Variants in HSPA9 observed in about 807,000 individuals in gnomAD.
HSPA9 encodes the protein stress-70 protein, mitochondrial.
HSPA9 carries 28 observed loss-of-function variants against 81.5 expected under a neutral mutation model. That is an observed-to-expected ratio of 0.34 (90% CI 0.25 to 0.47). The LOEUF is 0.47. Ranked by LOEUF, HSPA9 falls within the 20% of genes least tolerant of loss-of-function variation. HSPA9 has a pLI of 1.00. For synonymous variants in HSPA9, 293 were observed against 290.4 expected, an observed-to-expected ratio of 1.01 and a Z score of -0.09; for missense variants, 678 against 838.0, an observed-to-expected ratio of 0.81 and a Z score of 2.36.
At chr5:138,560,945 A>C (rs1750645043) in intron 10 of HSPA9, 2 of 333,584 alleles carry the variant, frequency 6.0e-6, no homozygotes, top group Non-Finnish European at 6.0e-6. Flanking sequence ...AAGGCCATGT[A>C]TTTCAATGGA....
At chr5:138,565,139 T>C (rs1750736749) in intron 9 of HSPA9, among the ~76,000 whole-genome samples, 1 of 152,176 alleles carries the variant, frequency 6.6e-6, no homozygotes, top group Non-Finnish European at 1.5e-5. Context: ...AATCAAAATG[T>C]CTATCAATAG....
intron 3 of HSPA9, among the ~76,000 whole-genome samples, chr5:138,573,473 G>A (rs1750996093): frequency 6.6e-6 from 1 of 151,924 alleles, no homozygotes; most frequent in African/African-American, 2.4e-5. Flanking sequence ...CCAACACAGT[G>A]GAACTGTCTC....
At chr5:138,573,709 G>C (rs1004308807) in intron 3 of HSPA9, 54 bp downstream of exon 3, 25 of 870,882 alleles carry the variant, frequency 2.9e-5, no homozygotes, top group Admixed American at 7.6e-5. Context: ...AAGGAAAAGA[G>C]CACAGAATTC....
chr5:138,559,746 TA>T, intron 11 of HSPA9, 117 bp downstream of exon 11: 1 of 756,036 alleles, frequency 1.3e-6, no homozygotes, highest in Non-Finnish European at 2.4e-6. Flanking sequence ...TTTAATATTC[TA>T]AACTGTAAAA....
chr5:138,563,778 TAAAACA>T (rs1750706607), intron 9 of HSPA9, among the ~76,000 whole-genome samples: 1 of 152,226 alleles, frequency 6.6e-6, no homozygotes, highest in Non-Finnish European at 1.5e-5. Context: ...CTGATGAGCT[TAAAACA>T]AAAACAAAAA....
intron 14 of HSPA9, 74 bp downstream of exon 14, chr5:138,557,328 C>T (rs376724945): frequency 9.0e-5 from 90 of 1,002,164 alleles, no homozygotes; most frequent in Non-Finnish European, 1.2e-4. Flanking sequence ...TGAGACACTG[C>T]GCCCAGCCCC....
rs759527914 is a variant in HSPA9 at position 138,567,180 on chromosome 5, A to G, written c.717-17T>C. 5.1e-5 allele frequency: 24 copies of G among 468,590 alleles called. No individual in the cohort carries two copies. The East Asian group carries it at 3.8e-3, about 75-fold the overall frequency. The allele number at this position is 468,590 out of a possible 1,614,324, so 29.0% of individuals were successfully genotyped here. On this transcript the variant is annotated splice_polypyrimidine_tract_variant and intron_variant, in intron 7 of 16. Coordinates refer to ENST00000297185, the MANE Select transcript of HSPA9 (RefSeq NM_004134.7). The stretch of plus-strand genomic sequence containing the variant: ...ACAGCAATGCTGTAAATGATTTGTG[A>G]AAAAAAAAAGAAAAGAAATCCTTAA...
chr5:138,561,944 C>CT (rs112918142), intron 9 of HSPA9, among the ~76,000 whole-genome samples, 155 bp from the exon 10 acceptor site: 8,391 of 145,580 alleles, frequency 0.058, 294 homozygotes, highest in African/African-American at 0.1. Context: ...ACCAAGAATA[C>CT]TTTTTTTTTT....
At position 138,554,053 on chromosome 5, in the gene HSPA9, G is replaced by C. The variant is rs907398048; in HGVS notation, c.*1984C>G. Among the ~76,000 whole-genome samples, 1 of 152,198 alleles carries C rather than the reference G, an allele frequency of 6.6e-6. No homozygotes were observed. Among genetic ancestry groups the C allele is most frequent in the African/African-American group, 2.4e-5 (1 of 41,458 alleles). ...TGGGACCTCGGTTCCATAATTGTGA[G>C]CCAGTTTCTTTCTTACAGTAAATCT... On this transcript the variant is annotated 3_prime_UTR_variant, in exon 17 of 17. Coordinates refer to ENST00000297185, the MANE Select transcript of HSPA9 (RefSeq NM_004134.7).
At chr5:138,559,818 T>C (rs779394970) in intron 11 of HSPA9, 46 bp downstream of exon 11, 26 of 1,286,810 alleles carry the variant, frequency 2.0e-5, no homozygotes, top group Non-Finnish European at 2.7e-5. Flanking sequence ...ACATCCGTCA[T>C]AGAACCTAAA....
At chr5:138,575,212 C>T in intron 1 of HSPA9, 26 bp downstream of exon 1, 1 of 1,552,582 alleles carries the variant, frequency 6.4e-7, no homozygotes, top group Non-Finnish European at 8.8e-7. Context: ...GCCGTGACCC[C>T]ATTCGGGAAG....
intron 14 of HSPA9, 154 bp downstream of exon 14, chr5:138,557,248 C>T: frequency 1.5e-6 from 1 of 687,256 alleles, no homozygotes; most frequent in South Asian, 1.6e-5. Flanking sequence ...TGCAGGCGTG[C>T]ACCACCACGC....
In HSPA9 at chr5:138,567,563, TAGAGAAAACAA is replaced by T. The variant is rs769009196; in HGVS notation, c.610-13_610-3del. On this transcript the variant is annotated splice_region_variant and splice_polypyrimidine_tract_variant and intron_variant, in intron 6 of 16. Coordinates refer to ENST00000297185, the MANE Select transcript of HSPA9 (RefSeq NM_004134.7). ...TATCTGGCCAGCATCTTTAGTGGCC[TAGAGAAAACAA>T]AGAGAAAAACATTTTTGTACCCTTC... is the stretch of plus-strand genomic sequence containing the variant. 8 of 1,612,852 alleles carry T rather than the reference TAGAGAAAACAA, an allele frequency of 5.0e-6. No homozygotes were observed. The highest frequency in any genetic ancestry group is 6.8e-6 in the Non-Finnish European group (8 of 1,178,846).
At position 138,567,001 on chromosome 5, in the gene HSPA9, C is replaced by T; in HGVS notation, c.879G>A (p.Glu293=). 6.2e-7 allele frequency: 1 copy of T among 1,612,524 alleles called. No homozygotes were observed. Among genetic ancestry groups the T allele is most frequent in the South Asian group, 1.1e-5 (1 of 91,026 alleles). The change falls in exon 8 of 17, where the codon GAG becomes GAA. Residue 293 remains glutamate (E), a splice_region_variant and synonymous_variant. Coordinates refer to ENST00000297185, the MANE Select transcript of HSPA9 (RefSeq NM_004134.7). ...LRHIVKEFKR[E]TGVDLTKDNM... is the part of the protein sequence containing the mutation. ...CATATTAACCACATTGGTAACTCAC[C>T]TCTCTCTTGAACTCCTTCACAATGT...
chr5:138,566,581 G>T, intron 9 of HSPA9, 45 bp downstream of exon 9: 5 of 1,253,770 alleles, frequency 4.0e-6, no homozygotes, highest in Non-Finnish European at 5.9e-6. Flanking sequence ...AATAAGCTCC[G>T]GCTGAAAATA....
intron 9 of HSPA9, among the ~76,000 whole-genome samples, chr5:138,565,699 T>G (rs1357739297): frequency 1.3e-5 from 2 of 152,198 alleles, no homozygotes; most frequent in Non-Finnish European, 2.9e-5. Flanking sequence ...CAGCTCTTTT[T>G]CTAGACTGGT....
intron 9 of HSPA9, among the ~76,000 whole-genome samples, chr5:138,564,516 G>A (rs1205578846): frequency 6.6e-6 from 1 of 152,204 alleles, no homozygotes; most frequent in Non-Finnish European, 1.5e-5. Flanking sequence ...TTGTGCCTCA[G>A]TCTCCTGAGT....
chr5:138,573,318 T>G (rs1192379398), intron 3 of HSPA9, among the ~76,000 whole-genome samples: 1 of 152,134 alleles, frequency 6.6e-6, no homozygotes, highest in Non-Finnish European at 1.5e-5. Context: ...CGTGAGCCAT[T>G]ATGCCCGGTC....
chr5:138,565,397 AG>A (rs1750741664), intron 9 of HSPA9, among the ~76,000 whole-genome samples: 1 of 152,066 alleles, frequency 6.6e-6, no homozygotes, highest in Non-Finnish European at 1.5e-5. Context: ...TCCAGGTTTG[AG>A]GGGAAGGTTC....
Sources: allele counts gnomAD v4.1 joint callset (sites outside exome capture counted in the v4.1 genomes callset), GRCh38; gene constraint gnomAD v4.1.1; transcripts MANE v1.5; gene names NCBI Gene and HGNC (gene_info 2026-07-23, HGNC 2026-07-21).